Variants in URB2 observed in about 807,000 individuals in gnomAD.
The protein encoded by URB2 is URB2 ribosome biogenesis homolog, also known as unhealthy ribosome biogenesis protein 2 homolog.
In URB2, 86 loss-of-function variants were observed where a neutral mutation model predicts 120.9. The observed-to-expected ratio is 0.71, with a 90% CI of 0.60 to 0.85. The LOEUF (loss-of-function observed/expected upper bound fraction) is 0.85. Among genes scored for constraint, URB2 ranks in the 40% least tolerant of loss-of-function variants. The pLI is 0.00. For missense variants in URB2, 1,765 were observed against 1,836.5 expected (o/e 0.96, Z 0.71); for synonymous variants, 755 against 758.4 (o/e 1.00, Z 0.07).
chr1:229,628,212 A>G (rs1332573342), intron 2 of URB2, among the ~76,000 whole-genome samples: 1 of 144,850 alleles, frequency 6.9e-6, no homozygotes, highest in East Asian at 1.9e-4. Context: ...TATATATTAT[A>G]CATATACATA....
intron 8 of URB2, among the ~76,000 whole-genome samples, chr1:229,653,393 T>C (rs1214755291): frequency 6.6e-6 from 1 of 152,236 alleles, no homozygotes; most frequent in Non-Finnish European, 1.5e-5. Flanking sequence ...AATCAAAATA[T>C]AGAATATTTT....
In URB2 at chr1:229,636,457, AG is replaced by A. The variant is rs1325974067; in HGVS notation, c.1846del (p.Val616TrpfsTer7). 1 of 1,614,254 alleles carries A rather than the reference AG, an allele frequency of 6.2e-7. No homozygotes were observed. The highest frequency in any genetic ancestry group is 1.7e-5 in the Admixed American group (1 of 60,026). ...SVLLLSYTWA[Q>X]VDAMFSLNCS... ...CTCCTGCTCTCTTACACTTGGGCCC[AG>A]GTGGACGCTATGTTCAGTTTGAACT... On this transcript the variant is annotated frameshift_variant, in exon 4 of 10. Coordinates refer to ENST00000258243, the MANE Select transcript of URB2 (RefSeq NM_014777.4). LOFTEE classifies it high-confidence loss of function.
rs368807322 is a variant in URB2 at position 229,637,056 on chromosome 1, G to A, written c.2443G>A (p.Val815Ile). The A allele has an allele frequency of 1.7e-5, 27 of 1,613,868 alleles. No individual in the cohort carries two copies. Among genetic ancestry groups the A allele is most frequent in the East Asian group, 4.5e-5 (2 of 44,900 alleles). The stretch of plus-strand genomic sequence containing the variant: ...CCTTCATTCTGCTTTCTTAACGTGC[G>A]TAACCACAAGTTGCTCCAGCATTCT... ...QSLHSAFLTC[V>I]TTSCSSILCS... Residue 815 changes from valine to isoleucine, a missense_variant, in exon 4 of 10, where the codon GTA becomes ATA. Val to Ile is a conservative substitution (Grantham distance 29). Transcript: ENST00000258243.
intron 2 of URB2, among the ~76,000 whole-genome samples, chr1:229,631,125 A>C (rs1188319584): frequency 6.6e-6 from 1 of 152,084 alleles, no homozygotes; most frequent in Non-Finnish European, 1.5e-5. Flanking sequence ...CTTCACCTGG[A>C]ACTTTTATGT....
At chr1:229,651,131 C>G in intron 7 of URB2, 104 bp from the exon 8 acceptor site, 1 of 1,089,020 alleles carries the variant, frequency 9.2e-7, no homozygotes, top group Non-Finnish European at 1.3e-6. Context: ...GTTTGAGTGT[C>G]CCGATAGACT....
At chr1:229,627,157 T>A (rs1458379751) in intron 1 of URB2, among the ~76,000 whole-genome samples, 2 of 152,270 alleles carry the variant, frequency 1.3e-5, no homozygotes, top group African/African-American at 4.8e-5. Context: ...GGAAGGTTAC[T>A]GTTGCAGCTG....
intron 1 of URB2, 98 bp from the exon 2 acceptor site, chr1:229,627,523 G>A: frequency 8.7e-7 from 1 of 1,151,314 alleles, no homozygotes. Context: ...TACATATTAG[G>A]TAAACAAGAT....
Position 229,637,006 on chromosome 1 carries a change from G to A in URB2, c.2393G>A (p.Ser798Asn). The A allele has an allele frequency of 6.2e-7, 1 of 1,614,044 alleles. No individual in the cohort carries two copies. The highest frequency in any genetic ancestry group is 8.5e-7 in the Non-Finnish European group (1 of 1,180,044). ...AAAATATCCAAAGCCTTCCTTCATA[G>A]CCCTCTCTTTCCAGAGATGCAGTCC... is the stretch of plus-strand genomic sequence containing the variant. ...LEKISKAFLH[S>N]PLFPEMQSLH... The change falls in exon 4 of 10, where the codon AGC (serine) becomes AAC (asparagine). Residue 798 changes from serine to asparagine, a missense_variant. Ser to Asn is a conservative substitution (Grantham distance 46). Coordinates refer to ENST00000258243, the MANE Select transcript of URB2 (RefSeq NM_014777.4).
intron 3 of URB2, among the ~76,000 whole-genome samples, chr1:229,633,846 A>AC (rs2102782115): frequency 6.6e-6 from 1 of 152,264 alleles, no homozygotes; most frequent in East Asian, 1.9e-4. Flanking sequence ...TTTTTAAAAA[A>AC]TTTTTTTGAG....
intron 8 of URB2, among the ~76,000 whole-genome samples, chr1:229,652,211 T>G (rs1343829644): frequency 6.6e-6 from 1 of 151,730 alleles, no homozygotes; most frequent in Non-Finnish European, 1.5e-5. Flanking sequence ...AAAAAAAAAA[T>G]TGCATGAATT....
At position 229,636,719 on chromosome 1, in the gene URB2, C is replaced by T. The variant is rs560736601; in HGVS notation, c.2106C>T (p.Cys702=). The change falls in exon 4 of 10, where the codon TGC becomes TGT. Residue 702 remains cysteine, a synonymous_variant. Coordinates refer to ENST00000258243, the MANE Select transcript of URB2 (RefSeq NM_014777.4). ...RSEGAIQSLR[C]DAAFIIGSGR... ...AAGGAGCCATCCAAAGTTTGAGGTGCGATGCTGCCTTTATTATTGGTTCCG... is the reference window on the plus strand; with the variant it reads ...AAGGAGCCATCCAAAGTTTGAGGTGTGATGCTGCCTTTATTATTGGTTCCG... The T allele has an allele frequency of 4.8e-5, 78 of 1,613,282 alleles. No individual in the cohort carries two copies. The highest frequency in any genetic ancestry group is 3.3e-4 in the Middle Eastern group (2 of 6,054).
intron 4 of URB2, among the ~76,000 whole-genome samples, chr1:229,642,265 G>A (rs1206447356): frequency 6.6e-6 from 1 of 152,142 alleles, no homozygotes; most frequent in Non-Finnish European, 1.5e-5. Context: ...TTTCATGTGA[G>A]GGCACTATGT....
Position 229,654,460 on chromosome 1 carries a change from T to C in URB2, c.4377+72T>C, listed in dbSNP as rs1666359684. ...CTTAAGCAGGGTTTCTCAACCAAAATGGCAAGCGGTGTTCTGGATCTGACA... is the reference window on the plus strand; with the variant it reads ...CTTAAGCAGGGTTTCTCAACCAAAACGGCAAGCGGTGTTCTGGATCTGACA... On this transcript the variant is annotated intron_variant, in intron 9 of 9. Coordinates refer to ENST00000258243, the MANE Select transcript of URB2 (RefSeq NM_014777.4). 7.5e-6 allele frequency: 12 copies of C among 1,595,370 alleles called. No individual in the cohort carries two copies. In the Admixed American group the frequency reaches 1.7e-4, roughly 22 times the overall value.
intron 1 of URB2, among the ~76,000 whole-genome samples, chr1:229,626,939 C>T (rs571849272): frequency 4.2e-4 from 64 of 152,176 alleles, no homozygotes; most frequent in Non-Finnish European, 7.9e-4. Context: ...CTTAACGTTC[C>T]TTTTTACTAT....
At chr1:229,627,988 A>C (rs1665554933) in intron 2 of URB2, among the ~76,000 whole-genome samples, 1 of 150,262 alleles carries the variant, frequency 6.7e-6, no homozygotes, top group African/African-American at 2.4e-5. Context: ...ACAGTGGCTC[A>C]TGCCTGTCAT....
chr1:229,630,998 A>AG (rs1665651996), intron 2 of URB2, among the ~76,000 whole-genome samples: 2 of 151,494 alleles, frequency 1.3e-5, no homozygotes, highest in Admixed American at 1.3e-4. Flanking sequence ...AAAAAAAAAA[A>AG]AAAAAAAGAA....
chr1:229,633,073 A>G (rs1665711236), intron 3 of URB2, among the ~76,000 whole-genome samples: 1 of 152,270 alleles, frequency 6.6e-6, no homozygotes, highest in African/African-American at 2.4e-5. Flanking sequence ...ATGGCTAGTT[A>G]GTGGCACAGC....
intron 5 of URB2, among the ~76,000 whole-genome samples, chr1:229,645,112 C>G (rs1025426721): frequency 6.6e-6 from 1 of 151,960 alleles, no homozygotes; most frequent in Non-Finnish European, 1.5e-5. Context: ...TAGTGAAACC[C>G]CGTCCCTGCT....
chr1:229,636,390 C>T lies in URB2; in HGVS notation c.1777C>T (p.Pro593Ser), dbSNP rs147789751. 151 of 1,614,246 alleles carry T rather than the reference C, an allele frequency of 9.4e-5. No homozygotes were observed. The African/African-American group carries it at 1.8e-3, about 20-fold the overall frequency. The change falls in exon 4 of 10, where the codon CCA (proline) becomes TCA (serine). Residue 593 changes from proline to serine, a missense_variant. Coordinates refer to ENST00000258243, the MANE Select transcript of URB2 (RefSeq NM_014777.4). ...LLALLPDTPG[P>S]EPELWLQKVS... ...GGCCCTTCTCCCGGACACCCCAGGC[C>T]CAGAGCCAGAGCTGTGGCTGCAGAA...
Sources: allele counts gnomAD v4.1 joint callset (sites outside exome capture counted in the v4.1 genomes callset), GRCh38; gene constraint gnomAD v4.1.1; transcripts MANE v1.5; gene names NCBI Gene and HGNC (gene_info 2026-07-23, HGNC 2026-07-21).